The following GAB2 variants were observed in gnomAD, a reference collection of about 807,000 sequenced individuals.
GAB2 encodes GRB2-associated-binding protein 2.
GAB2 carries 26 observed loss-of-function variants against 65.5 expected under a neutral mutation model. The ratio of observed to expected loss-of-function variants is 0.40; its 90% CI spans 0.29 to 0.55. GAB2 has a LOEUF of 0.55. GAB2 is among the 20% of genes least tolerant of loss of function. The pLI is 0.53. For synonymous variants in GAB2, 321 were observed against 329.6 expected (o/e 0.97, Z 0.28); for missense variants, 884 against 875.8 (o/e 1.01, Z -0.12).
chr11:78,257,628 A>T (rs2512533), intron 2 of GAB2, among the ~76,000 whole-genome samples: 1 of 152,074 alleles, frequency 6.6e-6, no homozygotes, highest in Non-Finnish European at 1.5e-5. Context: ...GCTGCTTTCC[A>T]AGACATGACG....
intron 1 of GAB2, among the ~76,000 whole-genome samples, chr11:78,393,635 T>C (rs967642482): frequency 6.6e-6 from 1 of 152,252 alleles, no homozygotes; most frequent in Non-Finnish European, 1.5e-5. Flanking sequence ...CAGAAATTCA[T>C]CCTAAGGATA....
At chr11:78,366,790 G>C (rs1214684477) in intron 1 of GAB2, among the ~76,000 whole-genome samples, 2 of 148,568 alleles carry the variant, frequency 1.3e-5, no homozygotes, top group Non-Finnish European at 3.0e-5. Flanking sequence ...AATGTAATTG[G>C]GGATAGGGCT....
chr11:78,262,707 G>A lies in GAB2; in HGVS notation c.377-12307C>T, dbSNP rs539201376. On this transcript the variant is annotated intron_variant, in intron 2 of 9. Transcript: ENST00000361507. ...TCCCAGACTTGTGTCTTGTTGCCTT[G>A]CCATCTCTAGGTTTTTAAAATTGCA... Among the ~76,000 whole-genome samples the A allele has an allele frequency of 1.5e-4, 23 of 152,226 alleles. No individual in the cohort carries two copies. In the South Asian group the frequency reaches 4.8e-3, roughly 32 times the overall value.
At chr11:78,253,359 A>G (rs1423349325) in intron 2 of GAB2, among the ~76,000 whole-genome samples, 3 of 152,140 alleles carry the variant, frequency 2.0e-5, no homozygotes. Context: ...TGGTGCAATC[A>G]TAGCTCACTA....
intron 1 of GAB2, among the ~76,000 whole-genome samples, chr11:78,371,288 G>A (rs944650969): frequency 2.6e-5 from 4 of 152,176 alleles, no homozygotes; most frequent in Non-Finnish European, 4.4e-5. Context: ...AATGAAAAGG[G>A]CAGGGACTTG....
At chr11:78,323,129 T>A (rs1855757668) in intron 1 of GAB2, among the ~76,000 whole-genome samples, 1 of 152,176 alleles carries the variant, frequency 6.6e-6, no homozygotes, top group Non-Finnish European at 1.5e-5. Flanking sequence ...CATGGAATAC[T>A]ACACAGCTGT....
intron 2 of GAB2, among the ~76,000 whole-genome samples, chr11:78,268,300 C>G (rs1174847879): frequency 6.6e-6 from 1 of 151,714 alleles, no homozygotes; most frequent in African/African-American, 2.4e-5. Context: ...AACCAGAACT[C>G]TGTTTCCCAG....
At chr11:78,391,669 A>G (rs568779626) in intron 1 of GAB2, among the ~76,000 whole-genome samples, 26 of 152,188 alleles carry the variant, frequency 1.7e-4, no homozygotes, top group Non-Finnish European at 3.7e-4. Context: ...GGTGACAGGT[A>G]TGTAAGTGAT....
At chr11:78,404,366 G>A (rs899449547) in intron 1 of GAB2, among the ~76,000 whole-genome samples, 5 of 152,310 alleles carry the variant, frequency 3.3e-5, no homozygotes, top group South Asian at 2.1e-4. Flanking sequence ...AACATAGTGA[G>A]CCCTCACCTC....
rs781659629 is a variant in GAB2, at chr11:78,219,313, C to T, written c.1990G>A (p.Val664Met). The change falls in exon 10 of 10, where the codon GTG (valine) becomes ATG (methionine). Residue 664 changes from valine (V) to methionine (M), a missense_variant. Physicochemically the swap from Val to Met is conservative, Grantham distance 21. Transcript: ENST00000361507. The stretch of plus-strand genomic sequence containing the variant: ...TTGGAAGGCTCTGAGGACTGCCGCA[C>T]GTCTGTCCACTCCTGCATGGTGTTC... ...LQNTMQEWTD[V>M]RQSSEPSKGA... The T allele has an allele frequency of 1.8e-5, 29 of 1,613,884 alleles. 1 individual carries two copies. The highest frequency in any genetic ancestry group is 1.2e-4 in the Admixed American group (7 of 60,016).
intron 1 of GAB2, among the ~76,000 whole-genome samples, chr11:78,378,276 G>A (rs1332428449): frequency 6.6e-6 from 1 of 152,300 alleles, no homozygotes; most frequent in East Asian, 1.9e-4. Context: ...CAGACAAGCA[G>A]TATGAGATAC....
Position 78,412,449 on chromosome 11 carries a change from C to A in GAB2, c.75+5197G>T, listed in dbSNP as rs137874735. On this transcript the variant is annotated intron_variant, in intron 1 of 9. Transcript: ENST00000361507. ...TGCATGAATCCATTTAAATAACACA[C>A]ATGAAATATCAGAGAACAGATTAGT... Among the ~76,000 whole-genome samples the A allele has an allele frequency of 1.9e-3, 288 of 152,264 alleles. 2 individuals are homozygous for A. The highest frequency in any genetic ancestry group is 6.6e-3 in the African/African-American group (273 of 41,546).
chr11:78,280,016 T>G (rs1866288138), intron 2 of GAB2, among the ~76,000 whole-genome samples: 1 of 152,224 alleles, frequency 6.6e-6, no homozygotes, highest in South Asian at 2.1e-4. Context: ...TTTCTACAAT[T>G]TAACACTCAT....
At chr11:78,233,627 G>A (rs576576973) in intron 3 of GAB2, among the ~76,000 whole-genome samples, 8 of 152,048 alleles carry the variant, frequency 5.3e-5, no homozygotes, top group Admixed American at 1.3e-4. Flanking sequence ...TTTTGAGATG[G>A]AGTCTTGCTC....
chr11:78,267,852 C>A (rs1230266026), intron 2 of GAB2, among the ~76,000 whole-genome samples: 1 of 80,598 alleles, frequency 1.2e-5, no homozygotes, highest in Non-Finnish European at 2.2e-5. Flanking sequence ...AGCGAGACTC[C>A]GTCTCAAAAA....
intron 1 of GAB2, among the ~76,000 whole-genome samples, chr11:78,331,738 G>C (rs1310797938): frequency 6.6e-6 from 1 of 152,184 alleles, no homozygotes; most frequent in Non-Finnish European, 1.5e-5. Flanking sequence ...GGATTACAGA[G>C]GTCCCAGGCT....
chr11:78,320,342 C>G (rs975929561), intron 1 of GAB2, among the ~76,000 whole-genome samples: 2 of 152,012 alleles, frequency 1.3e-5, no homozygotes, highest in African/African-American at 4.8e-5. Context: ...AGCTAAGAAA[C>G]AGGTAATTAT....
At chr11:78,390,504 A>T (rs1856821167) in intron 1 of GAB2, among the ~76,000 whole-genome samples, 1 of 152,156 alleles carries the variant, frequency 6.6e-6, no homozygotes, top group Non-Finnish European at 1.5e-5. Context: ...CACAAGAATC[A>T]CTTGAACCAG....
chr11:78,347,059 T>C (rs1241038440), intron 1 of GAB2, among the ~76,000 whole-genome samples: 2 of 152,094 alleles, frequency 1.3e-5, no homozygotes, highest in African/African-American at 4.8e-5. Context: ...AACTGGGTGA[T>C]CTAAGGATTA....
Sources: gnomAD v4.1 joint callset for allele counts (sites outside exome capture counted in the v4.1 genomes callset) on GRCh38, gnomAD v4.1.1 for gene constraint, MANE v1.5 for transcripts, NCBI Gene and HGNC (gene_info 2026-07-23, HGNC 2026-07-21) for gene names.